SNAP25: variants seen among roughly 807,000 people sequenced by gnomAD.
SNAP25 encodes synaptosomal-associated protein 25.
A neutral mutation model predicts 28.7 loss-of-function variants in SNAP25; 3 were observed. The ratio of observed to expected loss-of-function variants is 0.10; its 90% CI spans 0.05 to 0.27. SNAP25 has a LOEUF of 0.27. SNAP25 is among the 10% of genes least tolerant of loss of function. SNAP25 has a pLI of 1.00. For synonymous variants in SNAP25, 61 were observed against 88.1 expected (o/e 0.69, Z 1.72); for missense variants, 117 against 278.7 (o/e 0.42, Z 4.13).
chr20:10,292,975 G>A, intron 4 of SNAP25, 186 bp from the exon 5 acceptor site: 2 of 1,612,578 alleles, frequency 1.2e-6, no homozygotes, highest in Non-Finnish European at 1.7e-6. Context: ...AAATGCTGTG[G>A]CCTTTTCATA....
intron 1 of SNAP25, chr20:10,231,433 G>C (rs1354622442): frequency 2.0e-5 from 3 of 152,336 alleles, no homozygotes; most frequent in African/African-American, 7.2e-5. Context: ...CTGCAGCCAA[G>C]GCTCCTGACT....
intron 1 of SNAP25, chr20:10,231,689 G>A (rs186038462): frequency 3.9e-5 from 6 of 152,226 alleles, no homozygotes; most frequent in Admixed American, 1.3e-4. Flanking sequence ...AAATTTGGAT[G>A]TACAGATTGT....
Position 10,297,063 on chromosome 20 carries a change from C to A in SNAP25, c.407+13C>A, listed in dbSNP as rs1304589672. 3 of 1,574,384 alleles carry A rather than the reference C, an allele frequency of 1.9e-6. No homozygotes were observed. The South Asian group carries it at 3.6e-5, about 19-fold the overall frequency. Reference sequence around the variant, plus strand: ...GCTTCATCCGCAGGTGAGCCTCATGCAGCATACACTGTAGCAGTTCTCTAT... The same window carrying A: ...GCTTCATCCGCAGGTGAGCCTCATGAAGCATACACTGTAGCAGTTCTCTAT... On this transcript the variant is annotated intron_variant, in intron 6 of 7. Coordinates refer to ENST00000254976, the MANE Select transcript of SNAP25 (RefSeq NM_130811.4).
In SNAP25 at chr20:10,293,370, T is replaced by C. The variant is rs1434564659; in HGVS notation, c.281+92T>C. 1 of 921,770 alleles carries C rather than the reference T, an allele frequency of 1.1e-6. No homozygotes were observed. Among genetic ancestry groups the C allele is most frequent in the African/African-American group, 1.6e-5 (1 of 61,468 alleles). 57.1% of individuals were successfully genotyped at this position (921,770 alleles called of 1,614,324 possible). A position where few individuals can be genotyped will look rare whatever the true frequency, so the allele number is the denominator to read the frequency against. On this transcript the variant is annotated intron_variant, in intron 5 of 7. Coordinates refer to ENST00000254976, the MANE Select transcript of SNAP25 (RefSeq NM_130811.4). This position sits in a 1 kb window ranked among gnomAD's most constrained non-coding sequence, Gnocchi z 5.6. ...ATTCCTGCCAAGCTCATAGGCAGGA[T>C]GAGCATGTGGCATGCAGAACAGATC...
chr20:10,259,623 C>T (rs6077707), intron 1 of SNAP25, among the ~76,000 whole-genome samples: 55,062 of 151,966 alleles, frequency 0.36, 10,755 homozygotes, highest in Middle Eastern at 0.53. Flanking sequence ...ACTGCAGCCT[C>T]TAACTCCTGG....
At chr20:10,306,041 C>T (rs1279750310) in intron 7 of SNAP25, 88 bp from the exon 8 acceptor site, 3 of 1,266,384 alleles carry the variant, frequency 2.4e-6, no homozygotes, top group African/African-American at 1.5e-5. Context: ...GTGGTTTCAC[C>T]CAAGAGGAAG....
chr20:10,275,849 A>G (rs1054939976), intron 2 of SNAP25, among the ~76,000 whole-genome samples: 2 of 152,210 alleles, frequency 1.3e-5, no homozygotes, highest in Admixed American at 6.5e-5. Context: ...GCCTTAATTC[A>G]GTGCTATGCT....
intron 1 of SNAP25, among the ~76,000 whole-genome samples, chr20:10,256,043 A>G (rs754754862): frequency 6.6e-6 from 1 of 152,266 alleles, no homozygotes; most frequent in Non-Finnish European, 1.5e-5. Flanking sequence ...GTTACTGGCA[A>G]AGCTACAAGC....
intron 1 of SNAP25, 116 bp from the exon 2 acceptor site, chr20:10,275,313 A>G: frequency 2.5e-6 from 1 of 398,798 alleles, no homozygotes; most frequent in Non-Finnish European, 4.5e-6. Context: ...TATGGCTTTC[A>G]GATCAGAAAA....
chr20:10,240,851 C>A (rs1010779981), intron 1 of SNAP25, among the ~76,000 whole-genome samples: 1 of 152,194 alleles, frequency 6.6e-6, no homozygotes, highest in African/African-American at 2.4e-5. Flanking sequence ...AGGCAGGGGG[C>A]TCTGGAGCAT....
chr20:10,294,783 A>G (rs1232546481), intron 5 of SNAP25, among the ~76,000 whole-genome samples: 3 of 140,428 alleles, frequency 2.1e-5, no homozygotes, highest in African/African-American at 8.3e-5. Context: ...AAGTCATATA[A>G]TTCATCAGAA....
At chr20:10,266,705 T>C (rs140580094) in intron 1 of SNAP25, among the ~76,000 whole-genome samples, 90 of 152,306 alleles carry the variant, frequency 5.9e-4, no homozygotes, top group East Asian at 5.0e-3. Context: ...AAAGCAATAA[T>C]GCACTATGAA....
In SNAP25 at chr20:10,278,949, G is replaced by C. The variant is rs541631114; in HGVS notation, c.114+1223G>C. Among the ~76,000 whole-genome samples the C allele has an allele frequency of 1.1e-4, 16 of 150,890 alleles. No individual in the cohort carries two copies. In the East Asian group the frequency reaches 3.1e-3, roughly 30 times the overall value. ...GGGGCGGGGGGTGGGAGGGTGGGGC[G>C]AACGTAACAAAATCTGTTATCCCCC... On this transcript the variant is annotated intron_variant, in intron 3 of 7. Coordinates refer to ENST00000254976, the MANE Select transcript of SNAP25 (RefSeq NM_130811.4).
chr20:10,222,833 C>G lies in SNAP25; in HGVS notation c.-64+3856C>G, dbSNP rs1347053955. On this transcript the variant is annotated intron_variant, in intron 1 of 7. Transcript: ENST00000254976. ...CATATACCTACATAGACATATAATT[C>G]CTGCTTGGAAGTTAATTGCAAGTTT... Among the ~76,000 whole-genome samples the G allele has an allele frequency of 3.3e-5, 5 of 152,118 alleles. No individual in the cohort carries two copies. The South Asian group carries it at 1.0e-3, about 32-fold the overall frequency.
At chr20:10,266,320 A>C (rs1309576700) in intron 1 of SNAP25, among the ~76,000 whole-genome samples, 1 of 152,232 alleles carries the variant, frequency 6.6e-6, no homozygotes, top group Non-Finnish European at 1.5e-5. Flanking sequence ...ATTCTCTTCA[A>C]GAAATTTCAT....
At chr20:10,259,852 G>A (rs2122878832) in intron 1 of SNAP25, among the ~76,000 whole-genome samples, 1 of 152,292 alleles carries the variant, frequency 6.6e-6, no homozygotes, top group South Asian at 2.1e-4. Flanking sequence ...CCATTCTTAT[G>A]AAGTGACCTG....
chr20:10,269,705 CCATTGA>C (rs1309057530), intron 1 of SNAP25, among the ~76,000 whole-genome samples: 18 of 152,286 alleles, frequency 1.2e-4, no homozygotes, highest in African/African-American at 3.9e-4. Flanking sequence ...ATGAAAGGAG[CCATTGA>C]CAACAGATAA....
At chr20:10,306,083 T>C (rs1422845932) in intron 7 of SNAP25, 46 bp from the exon 8 acceptor site, 1 of 1,600,236 alleles carries the variant, frequency 6.2e-7, no homozygotes, top group South Asian at 1.1e-5. Context: ...GGTGAATGGA[T>C]TTTTAAGGGG....
chr20:10,239,161 A>G (rs2062977957), intron 1 of SNAP25, among the ~76,000 whole-genome samples: 1 of 152,218 alleles, frequency 6.6e-6, no homozygotes, highest in South Asian at 2.1e-4. Flanking sequence ...AAAGTGTTTT[A>G]TAGAGAAGGA....
Sources: gnomAD v4.1 joint callset for allele counts (sites outside exome capture counted in the v4.1 genomes callset) on GRCh38, gnomAD v4.1.1 for gene constraint, Gnocchi (gnomAD v3.1) non-coding constraint, MANE v1.5 for transcripts, NCBI Gene and HGNC (gene_info 2026-07-23, HGNC 2026-07-21) for gene names.